Variants in USP24 observed in about 807,000 individuals in gnomAD.
USP24 encodes ubiquitin specific peptidase 24.
Under a neutral mutation model 361.6 loss-of-function variants are expected in USP24, and 97 were observed. That is an observed-to-expected ratio of 0.27 (90% CI 0.23 to 0.32). The LOEUF is 0.32. Ranked by LOEUF, USP24 falls within the 10% of genes least tolerant of loss-of-function variation. USP24 has a pLI of 1.00. For synonymous variants in USP24, 1,098 were observed against 1,124.6 expected, an observed-to-expected ratio of 0.98 and a Z score of 0.47; for missense variants, 2,353 against 3,165.6, an observed-to-expected ratio of 0.74 and a Z score of 6.16.
intron 1 of USP24, among the ~76,000 whole-genome samples, chr1:55,186,920 TTA>T (rs1644147719): frequency 6.6e-6 from 1 of 152,156 alleles, no homozygotes; most frequent in South Asian, 2.1e-4. Flanking sequence ...ATGGTAAATT[TTA>T]TGTTATGTAT....
chr1:55,083,939 C>T, intron 56 of USP24, 51 bp from the exon 57 acceptor site: 3 of 1,352,460 alleles, frequency 2.2e-6, no homozygotes, highest in South Asian at 1.3e-5. Context: ...GTAAGACAGA[C>T]ATTTATAACA....
At chr1:55,164,107 C>T (rs1648575792) in intron 7 of USP24, among the ~76,000 whole-genome samples, 1 of 151,832 alleles carries the variant, frequency 6.6e-6, no homozygotes. Context: ...ATACCATTTG[C>T]AGAAATATAT....
chr1:55,169,814 C>A (rs1474782290), intron 5 of USP24, among the ~76,000 whole-genome samples: 1 of 152,080 alleles, frequency 6.6e-6, no homozygotes, highest in African/African-American at 2.4e-5. Context: ...CTAAAGGATT[C>A]TTTATAGAAT....
chr1:55,186,499 T>C (rs746621839), intron 1 of USP24, among the ~76,000 whole-genome samples: 1 of 152,142 alleles, frequency 6.6e-6, no homozygotes, highest in Non-Finnish European at 1.5e-5. Context: ...TTATTCACAA[T>C]AGCCAAAAGG....
At chr1:55,132,312 C>T (rs1005219677) in intron 31 of USP24, among the ~76,000 whole-genome samples, 29 of 152,260 alleles carry the variant, frequency 1.9e-4, no homozygotes, top group Middle Eastern at 3.4e-3. Flanking sequence ...TTAAGCCATC[C>T]AGTCTATGGT....
intron 49 of USP24, 33 bp from the exon 50 acceptor site, chr1:55,096,655 G>A: frequency 6.3e-7 from 1 of 1,587,274 alleles, no homozygotes; most frequent in Non-Finnish European, 8.5e-7. Context: ...ACATTATAAG[G>A]TTAAAAAAAT....
intron 5 of USP24, among the ~76,000 whole-genome samples, chr1:55,166,962 C>A (rs1648929932): frequency 6.6e-6 from 1 of 152,150 alleles, no homozygotes; most frequent in African/African-American, 2.4e-5. Flanking sequence ...AGCAGTAAAT[C>A]AGCAGAGATT....
chr1:55,092,480 T>C, intron 53 of USP24, among the ~76,000 whole-genome samples: 1 of 152,218 alleles, frequency 6.6e-6, no homozygotes. Flanking sequence ...ATCTTTAGTC[T>C]TGTGATATTT....
At chr1:55,157,701 G>A (rs1165233) in intron 10 of USP24, among the ~76,000 whole-genome samples, 110,788 of 151,818 alleles carry the variant, frequency 0.73, 42,084 homozygotes, top group East Asian at 0.96. Context: ...GGGCGTAGTC[G>A]TGGGCGCCTG....
chr1:55,195,180 T>C (rs981619413), intron 1 of USP24, among the ~76,000 whole-genome samples: 1 of 152,174 alleles, frequency 6.6e-6, no homozygotes, highest in Non-Finnish European at 1.5e-5. Context: ...AGGCTCTCCA[T>C]CCTCTGATCA....
chr1:55,137,926 G>A (rs368202344), intron 26 of USP24, 22 bp from the exon 27 acceptor site: 184 of 1,549,360 alleles, frequency 1.2e-4, no homozygotes, highest in Non-Finnish European at 1.4e-4. Flanking sequence ...AATTAAACAC[G>A]TTGTGAGAGA....
chr1:55,149,394 G>A (rs1325152003), intron 16 of USP24, among the ~76,000 whole-genome samples: 1 of 152,176 alleles, frequency 6.6e-6, no homozygotes, highest in Non-Finnish European at 1.5e-5. Flanking sequence ...TTCAGAGGCT[G>A]AAGTTTTTGT....
chr1:55,207,974 C>T (rs566045771), intron 1 of USP24, among the ~76,000 whole-genome samples: 1 of 152,344 alleles, frequency 6.6e-6, no homozygotes, highest in East Asian at 1.9e-4. Flanking sequence ...AGAACAATCA[C>T]ATCTTCAACT....
At chr1:55,098,686 G>A (rs1645553246) in intron 45 of USP24, 128 bp from the exon 46 acceptor site, 1 of 695,340 alleles carries the variant, frequency 1.4e-6, no homozygotes, top group Admixed American at 2.2e-5. Context: ...CAGCTGTGGT[G>A]AATGGAGGCT....
intron 1 of USP24, among the ~76,000 whole-genome samples, chr1:55,190,182 A>AAAAAAAAAG (rs1553170065): frequency 6.6e-6 from 1 of 150,964 alleles, no homozygotes; most frequent in African/African-American, 2.4e-5. Context: ...AAAAAAAAAA[A>AAAAAAAAAG]AAAGAAAGAA....
chr1:55,210,393 T>G (rs1644821052), intron 1 of USP24, among the ~76,000 whole-genome samples: 1 of 152,198 alleles, frequency 6.6e-6, no homozygotes, highest in African/African-American at 2.4e-5. Context: ...TTTTTTTATT[T>G]ACCAAATCAC....
In USP24 at chr1:55,067,985, T is replaced by C. The variant is rs1002589905; in HGVS notation, c.*1060A>G. 13 of 152,244 alleles carry C rather than the reference T, an allele frequency of 8.5e-5. No homozygotes were observed. The highest frequency in any genetic ancestry group is 2.9e-4 in the African/African-American group (12 of 41,466). 9.4% of individuals were successfully genotyped at this position (152,244 alleles called of 1,614,324 possible). On this transcript the variant is annotated 3_prime_UTR_variant, in exon 68 of 68. Transcript: ENST00000294383. The stretch of plus-strand genomic sequence containing the variant: ...GACTTTTCAGTGTTAATTAGTCATG[T>C]TGAGGAGAAACAAATTCTCAAATTC...
At chr1:55,123,836 C>T (rs537589145) in intron 35 of USP24, among the ~76,000 whole-genome samples, 6 of 152,046 alleles carry the variant, frequency 3.9e-5, no homozygotes, top group East Asian at 3.9e-4. Context: ...TAATTTCAGG[C>T]GATAGAAGTG....
chr1:55,143,510 T>C (rs1570529185), intron 21 of USP24, among the ~76,000 whole-genome samples: 1 of 152,220 alleles, frequency 6.6e-6, no homozygotes, highest in African/African-American at 2.4e-5. Context: ...GGGCTCAATC[T>C]GGTCTTTCTA....
Sources: allele counts gnomAD v4.1 joint callset (sites outside exome capture counted in the v4.1 genomes callset), GRCh38; gene constraint gnomAD v4.1.1; transcripts MANE v1.5; gene names NCBI Gene and HGNC (gene_info 2026-07-23, HGNC 2026-07-21).